Variants in PIEZO1 observed in about 807,000 individuals in gnomAD.
PIEZO1 encodes piezo type mechanosensitive ion channel component 1 (Er blood group), also known as piezo-type mechanosensitive ion channel component 1.
In PIEZO1, 296 loss-of-function variants were observed where a neutral mutation model predicts 297.2. The ratio of observed to expected loss-of-function variants is 1.00; its 90% CI spans 0.91 to 1.10. The LOEUF (loss-of-function observed/expected upper bound fraction) is 1.10, where lower values mean the gene tolerates loss of function less well. PIEZO1 is among the 50% of genes least tolerant of loss of function. The probability of loss-of-function intolerance (pLI) is 0.00; values close to 1 mark genes in which losing one functional copy is unlikely to be tolerated. For missense variants in PIEZO1, 5,018 were observed against 3,455.5 expected (o/e 1.45, Z -11.34); for synonymous variants, 2,427 against 1,507.5 (o/e 1.61, Z -14.13).
intron 43 of PIEZO1, 36 bp from the exon 44 acceptor site, chr16:88,719,757 C>T: frequency 1.3e-6 from 2 of 1,550,302 alleles, no homozygotes; most frequent in Non-Finnish European, 1.7e-6. Context: ...GGTGGGCTCC[C>T]TCATGCCCGG....
At chr16:88,737,909 C>A in intron 8 of PIEZO1, 25 bp downstream of exon 8, 1 of 1,530,948 alleles carries the variant, frequency 6.5e-7, no homozygotes, top group Non-Finnish European at 8.7e-7. Flanking sequence ...CCTCAGCCCA[C>A]CCACCATGGG....
At position 88,726,599 on chromosome 16, in the gene PIEZO1, G is replaced by T; in HGVS notation, c.3744C>A (p.Cys1248Ter). 6.5e-7 allele frequency: 1 copy of T among 1,548,394 alleles called. No homozygotes were observed. Among genetic ancestry groups the T allele is most frequent in the Non-Finnish European group, 8.7e-7 (1 of 1,146,202 alleles). ...VFVEQMQTGFCWVIQLFSLVC... is the reference protein window; with the variant it reads ...VFVEQMQTGF ...CAAGGCTGAAGAGCTGGATGACCCAGCAGAAGCCGGTCTGCATCTGCTCCA... is the reference window on the plus strand; with the variant it reads ...CAAGGCTGAAGAGCTGGATGACCCATCAGAAGCCGGTCTGCATCTGCTCCA... The change falls in exon 26 of 51, where the codon TGC becomes TGA. Residue 1248 changes from cysteine to a stop codon, truncating the protein, a stop_gained. Transcript: ENST00000301015. LOFTEE classifies it high-confidence loss of function.
Position 88,736,650 on chromosome 16 carries a change from T to C in PIEZO1, c.1285A>G (p.Ile429Val), listed in dbSNP as rs1383403821. ...CCACAGCCGCCTACCATCATGGCAATGAGCGCGCACACATAGCTCTGGTCC... is the reference window on the plus strand; with the variant it reads ...CCACAGCCGCCTACCATCATGGCAACGAGCGCGCACACATAGCTCTGGTCC... ...IMDQSYVCAL[I>V]AMMVWSITYH... Residue 429 changes from isoleucine (I) to valine (V), a missense_variant, in exon 11 of 51, where the codon ATT becomes GTT. Coordinates refer to ENST00000301015, the MANE Select transcript of PIEZO1 (RefSeq NM_001142864.4). 6 of 1,520,284 alleles carry C rather than the reference T, an allele frequency of 3.9e-6. No individual in the cohort carries two copies. Among genetic ancestry groups the C allele is most frequent in the African/African-American group, 2.8e-5 (2 of 72,064 alleles). The allele number at this position is 1,520,284 out of a possible 1,614,324, so 94.2% of individuals were successfully genotyped here.
In PIEZO1 at chr16:88,749,447, C is replaced by G. The variant is rs770998224; in HGVS notation, c.97G>C (p.Val33Leu). The change falls in exon 2 of 51, where the codon GTC becomes CTC. Residue 33 changes from valine to leucine, a missense_variant. Transcript: ENST00000301015. ...CLLRFSGLSL[V>L]YLLFLLLLPW... ...AGCAGCAGCAGGAAGAGCAGGTAGA[C>G]CAGCGAGAGTCCGCTGAAGCGGAGC... 6.5e-5 allele frequency: 99 copies of G among 1,523,994 alleles called. No homozygotes were observed. Among genetic ancestry groups the G allele is most frequent in the Non-Finnish European group, 8.0e-5 (91 of 1,142,242 alleles). The allele number at this position is 1,523,994 out of a possible 1,614,324, so 94.4% of individuals were successfully genotyped here. A position where few individuals can be genotyped will look rare whatever the true frequency, so the allele number is the denominator to read the frequency against.
Position 88,722,841 on chromosome 16 carries a change from A to G in PIEZO1, c.4664T>C (p.Leu1555Pro), listed in dbSNP as rs2142770108. ...GTGGTGCACGGGCAGGCTCACCTGCAGGAGCTCCTGTGTGAGGAGGTAGCG... is the reference window on the plus strand; with the variant it reads ...GTGGTGCACGGGCAGGCTCACCTGCGGGAGCTCCTGTGTGAGGAGGTAGCG... ...AERYLLTQEL[L>P]QGGEVHRGVL... Residue 1555 changes from leucine (L) to proline (P), a missense_variant, in exon 34 of 51, where the codon CTG becomes CCG. Transcript: ENST00000301015. The G allele has an allele frequency of 6.5e-7, 1 of 1,545,684 alleles. No individual in the cohort carries two copies.
chr16:88,724,302 G>T (rs555644593), intron 30 of PIEZO1, among the ~76,000 whole-genome samples: 2 of 152,112 alleles, frequency 1.3e-5, no homozygotes, highest in African/African-American at 2.4e-5. Flanking sequence ...AGGCTGAGGC[G>T]GGCGGATCAC....
chr16:88,737,536 A>T, intron 10 of PIEZO1, 23 bp downstream of exon 10: 7 of 1,486,948 alleles, frequency 4.7e-6, no homozygotes, highest in Non-Finnish European at 6.3e-6. Flanking sequence ...ACCCAGCCAT[A>T]CCTTGCAGTG....
At position 88,723,889 on chromosome 16, in the gene PIEZO1, C is replaced by G; in HGVS notation, c.4317G>C (p.Ser1439=). ...EEAVPEDPRP[S]AQSAFQLAYQ... is the part of the protein sequence containing the mutation. Reference sequence around the variant, plus strand: ...ACCTCACCTGGAAGGCACTCTGTGCCGACGGCCTCGGGTCTTCAGGAACAG... The same window carrying G: ...ACCTCACCTGGAAGGCACTCTGTGCGGACGGCCTCGGGTCTTCAGGAACAG... The change falls in exon 31 of 51, where the codon TCG becomes TCC. Residue 1439 remains serine (S), a synonymous_variant. Coordinates refer to ENST00000301015, the MANE Select transcript of PIEZO1 (RefSeq NM_001142864.4). The G allele has an allele frequency of 6.5e-7, 1 of 1,544,024 alleles. No individual in the cohort carries two copies. Among genetic ancestry groups the G allele is most frequent in the Non-Finnish European group, 8.8e-7 (1 of 1,141,098 alleles).
Position 88,735,192 on chromosome 16 carries a change from G to C in PIEZO1, c.1612C>G (p.Leu538Val). 1 of 1,550,416 alleles carries C rather than the reference G, an allele frequency of 6.4e-7. No homozygotes were observed. The change falls in exon 13 of 51, where the codon CTG becomes GTG. Residue 538 changes from leucine (L) to valine (V), a missense_variant. Coordinates refer to ENST00000301015, the MANE Select transcript of PIEZO1 (RefSeq NM_001142864.4). ...GCTGGAGACTCTGCCCACTTCAGCA[G>C]CTTCTCTTTCACAAACTGGCGCAGC... The part of the protein sequence containing the change: ...LLLRQFVKEK[L>V]LKWAESPAAL...
chr16:88,732,023 C>A (rs1044518025), intron 21 of PIEZO1, 113 bp from the exon 22 acceptor site: 1 of 25,688 alleles, frequency 3.9e-5, no homozygotes, highest in Non-Finnish European at 6.8e-5. Flanking sequence ...AGGCTGCGGG[C>A]ATCAAGCAAG....
Position 88,722,379 on chromosome 16 carries a change from C to T in PIEZO1, c.4794G>A (p.Glu1598=). The T allele has an allele frequency of 1.3e-6, 2 of 1,510,258 alleles. No individual in the cohort carries two copies. The highest frequency in any genetic ancestry group is 1.3e-5 in the South Asian group (1 of 78,126). 93.6% of individuals were successfully genotyped at this position (1,510,258 alleles called of 1,614,324 possible). The part of the protein sequence containing the change: ...STVSSGLGAE[E]PLSSMTDDMG... ...TGTCGTCTGTCATGCTGCTGAGTGG[C>T]TCCTCCGCGCCCAGCCCACTGGGGA... The change falls in exon 36 of 51, where the codon GAG becomes GAA. Residue 1598 remains glutamate, a synonymous_variant. Coordinates refer to ENST00000301015, the MANE Select transcript of PIEZO1 (RefSeq NM_001142864.4).
In PIEZO1 at chr16:88,736,269, C is replaced by T; in HGVS notation, c.1436G>A (p.Cys479Tyr). 5 of 1,550,202 alleles carry T rather than the reference C, an allele frequency of 3.2e-6. No individual in the cohort carries two copies. Among genetic ancestry groups the T allele is most frequent in the East Asian group, 2.4e-5 (1 of 40,918 alleles). ...GTCCATGGCCCACACGTAGCGTAGG[C>T]AGCACAGCGTCATCCCATACAGCAG... The part of the protein sequence containing the change: ...CILLYGMTLC[C>Y]LRYVWAMDLR... Residue 479 changes from cysteine to tyrosine, a missense_variant, in exon 12 of 51, where the codon TGC becomes TAC. Physicochemically the swap from Cys to Tyr is radical, Grantham distance 194 (BLOSUM62 -2). Coordinates refer to ENST00000301015, the MANE Select transcript of PIEZO1 (RefSeq NM_001142864.4).
At position 88,727,020 on chromosome 16, in the gene PIEZO1, A is replaced by T. The variant is rs1904493651; in HGVS notation, c.3455+19T>A. 4 of 1,548,140 alleles carry T rather than the reference A, an allele frequency of 2.6e-6. No individual in the cohort carries two copies. The highest frequency in any genetic ancestry group is 2.0e-5 in the Admixed American group (1 of 50,956). ...ACCCCTCCCAGAAGGTTCCCCGTGG[A>T]GGGTGACGTGGAACCCACCTGCAGT... On this transcript the variant is annotated intron_variant, in intron 24 of 50. Coordinates refer to ENST00000301015, the MANE Select transcript of PIEZO1 (RefSeq NM_001142864.4).
intron 23 of PIEZO1, 51 bp from the exon 24 acceptor site, chr16:88,727,243 G>T: frequency 1.4e-6 from 2 of 1,476,734 alleles, no homozygotes; most frequent in East Asian, 5.0e-5. Flanking sequence ...CACACGAGGT[G>T]GGCACGGCGC....
chr16:88,737,597 T>G lies in PIEZO1; in HGVS notation c.1157A>C (p.His386Pro). 6.5e-7 allele frequency: 1 copy of G among 1,533,724 alleles called. No homozygotes were observed. The highest frequency in any genetic ancestry group is 8.7e-7 in the Non-Finnish European group (1 of 1,145,938). ...PDTEADNCIVHELTGQSSVLR... is the reference protein window; with the variant it reads ...PDTEADNCIVPELTGQSSVLR... ...GACGGAGCTCTGGCCGGTCAGCTCGTGCACGATGCAGTTATCAGCCTCGGT... is the reference window on the plus strand; with the variant it reads ...GACGGAGCTCTGGCCGGTCAGCTCGGGCACGATGCAGTTATCAGCCTCGGT... The change falls in exon 10 of 51, where the codon CAC becomes CCC. Residue 386 changes from histidine (H) to proline (P), a missense_variant. By Grantham distance (77) the His-to-Pro change is moderately conservative. Transcript: ENST00000301015.
intron 1 of PIEZO1, among the ~76,000 whole-genome samples, chr16:88,777,404 T>C (rs1372904100): frequency 2.0e-5 from 3 of 151,844 alleles, no homozygotes; most frequent in African/African-American, 7.3e-5. Context: ...CGCAGACACA[T>C]TGCAGGGTCC....
In PIEZO1 at chr16:88,725,426, G is replaced by T; in HGVS notation, c.4152C>A (p.Gly1384=). The T allele has an allele frequency of 6.9e-7, 1 of 1,459,828 alleles. No individual in the cohort carries two copies. Among genetic ancestry groups the T allele is most frequent in the East Asian group, 2.5e-5 (1 of 39,980 alleles). 90.4% of individuals were successfully genotyped at this position (1,459,828 alleles called of 1,614,324 possible). ...TCCAGCTGCACTCACCTGGCTCCAG[G>T]CCGGGGTCCTTGGGGCCCAGGGTGT... ...PQDTLGPKDP[G]LEPGPDSPGG... Residue 1384 remains glycine (G), a synonymous_variant, in exon 29 of 51, where the codon GGC becomes GGA. Coordinates refer to ENST00000301015, the MANE Select transcript of PIEZO1 (RefSeq NM_001142864.4).
At position 88,761,177 on chromosome 16, in the gene PIEZO1, G is replaced by T. The variant is rs113512923; in HGVS notation, c.65-11698C>A. Reference sequence around the variant, plus strand: ...CCACGTGGGTGGGACTGGGGGAACTGTCTCTGCCCAGGGAGCGGGGCAAAG... The same window carrying T: ...CCACGTGGGTGGGACTGGGGGAACTTTCTCTGCCCAGGGAGCGGGGCAAAG... On this transcript the variant is annotated intron_variant, in intron 1 of 50. Coordinates refer to ENST00000301015, the MANE Select transcript of PIEZO1 (RefSeq NM_001142864.4). Among the ~76,000 whole-genome samples the T allele has an allele frequency of 4.8e-3, 725 of 152,300 alleles. 8 individuals carry two copies. Among genetic ancestry groups the T allele is most frequent in the African/African-American group, 0.015 (613 of 41,570 alleles).
At chr16:88,732,926 G>A (rs555061613) in intron 19 of PIEZO1, 194 bp from the exon 20 acceptor site, 1 of 616,800 alleles carries the variant, frequency 1.6e-6, no homozygotes, top group Non-Finnish European at 2.8e-6. Context: ...CACGGGCAGG[G>A]GCTGGGGGAG....
Sources: gnomAD v4.1 joint callset for allele counts (sites outside exome capture counted in the v4.1 genomes callset) on GRCh38, gnomAD v4.1.1 for gene constraint, MANE v1.5 for transcripts, NCBI Gene and HGNC (gene_info 2026-07-23, HGNC 2026-07-21) for gene names.